Variants in KCNN2 observed in about 807,000 individuals in gnomAD.
KCNN2 encodes the protein potassium calcium-activated channel subfamily N member 2.
A neutral mutation model predicts 55.5 loss-of-function variants in KCNN2; 24 were observed. That is an observed-to-expected ratio of 0.43 (90% CI 0.31 to 0.61). The LOEUF is 0.61. Among genes scored for constraint, KCNN2 ranks in the 20% least tolerant of loss-of-function variants. KCNN2 has a pLI of 0.08. For missense variants in KCNN2, 754 were observed against 853.6 expected (o/e 0.88, Z 1.45); for synonymous variants, 431 against 336.1 (o/e 1.28, Z -3.09).
intron 1 of KCNN2, among the ~76,000 whole-genome samples, chr5:114,162,338 C>A (rs1408335520): frequency 6.6e-6 from 1 of 152,136 alleles, no homozygotes; most frequent in African/African-American, 2.4e-5. Context: ...ACCGCAAATG[C>A]TGCTGCCAGA....
In KCNN2 at chr5:114,191,691, A is replaced by G. The variant is rs371726831; in HGVS notation, c.-270-29789A>G. On this transcript the variant is annotated intron_variant, in intron 1 of 10. Coordinates refer to the KCNN2 transcript ENST00000512097. ...GTAAACCACACTGGACATGCTGCTA[A>G]CTAAGAATGGTAAGGGATTAGGCAT... Among the ~76,000 whole-genome samples, 13 of 152,310 alleles carry G rather than the reference A, an allele frequency of 8.5e-5. No individual in the cohort carries two copies. In the East Asian group the frequency reaches 1.5e-3, roughly 18 times the overall value.
chr5:114,330,091 A>C (rs1241406662), intron 2 of KCNN2, among the ~76,000 whole-genome samples: 2 of 152,220 alleles, frequency 1.3e-5, no homozygotes, highest in Non-Finnish European at 2.9e-5. Context: ...GAAATAGCCC[A>C]ATCAGCTGCT....
intron 2 of KCNN2, among the ~76,000 whole-genome samples, chr5:114,386,881 C>T (rs1043593617): frequency 5.3e-5 from 8 of 152,166 alleles, no homozygotes; most frequent in East Asian, 3.9e-4. Context: ...TGATGGAGAA[C>T]GCTCCTTAAG....
At chr5:114,058,684 A>G (rs1176307126) in intron 1 of KCNN2, among the ~76,000 whole-genome samples, 1 of 152,206 alleles carries the variant, frequency 6.6e-6, no homozygotes, top group African/African-American at 2.4e-5. Context: ...AGAGTGACGC[A>G]GTGGGTCAGC....
intron 4 of KCNN2, among the ~76,000 whole-genome samples, chr5:114,467,626 G>A (rs1761519454): frequency 6.6e-6 from 1 of 152,008 alleles, no homozygotes; most frequent in Admixed American, 6.6e-5. Flanking sequence ...CAGTCATAAG[G>A]CTAAATTCCC....
At chr5:114,303,887 A>T (rs539051285) in intron 2 of KCNN2, among the ~76,000 whole-genome samples, 2 of 152,308 alleles carry the variant, frequency 1.3e-5, no homozygotes, top group Non-Finnish European at 2.9e-5. Context: ...TATATTTCTG[A>T]CATATAGAAT....
At position 114,105,126 on chromosome 5, in the gene KCNN2, C is replaced by G. The variant is rs183692278; in HGVS notation, c.-271+48626C>G. Among the ~76,000 whole-genome samples, 3 of 152,126 alleles carry G rather than the reference C, an allele frequency of 2.0e-5. No individual in the cohort carries two copies. The East Asian group carries it at 5.8e-4, about 30-fold the overall frequency. On this transcript the variant is annotated intron_variant, in intron 1 of 10. Coordinates refer to the KCNN2 transcript ENST00000512097. ...ATTACAGCGTATTCTCTGATAAATC[C>G]TTACCCTAGACTGGAGCTTGGCAGT... is the stretch of plus-strand genomic sequence containing the variant.
At chr5:114,199,256 G>T in intron 1 of KCNN2, among the ~76,000 whole-genome samples, 1 of 151,998 alleles carries the variant, frequency 6.6e-6, no homozygotes, top group East Asian at 1.9e-4. Context: ...TCACTTTGGT[G>T]TTCCATTTGA....
rs185930609 is a variant in KCNN2, at chr5:114,326,516, C to G, written c.-184-34429C>G. ...ATAGGGAGTGCCATGGCCAGTTCTG[C>G]CTGTGGGTCCATGTTCAAAGGTGAG... On this transcript the variant is annotated intron_variant, in intron 2 of 10. Coordinates refer to the KCNN2 transcript ENST00000512097. Among the ~76,000 whole-genome samples the G allele has an allele frequency of 1.3e-3, 198 of 152,270 alleles. 2 individuals are homozygous for G. The highest frequency in any genetic ancestry group is 6.2e-3 in the Admixed American group (95 of 15,298).
chr5:114,350,435 T>A (rs554260268), intron 2 of KCNN2, among the ~76,000 whole-genome samples: 1 of 152,072 alleles, frequency 6.6e-6, no homozygotes, highest in South Asian at 2.1e-4. Flanking sequence ...CCTGATGGTA[T>A]CCTTTGAAGC....
At chr5:114,375,952 G>GTGTA (rs1249028214) in intron 2 of KCNN2, among the ~76,000 whole-genome samples, 4 of 104,714 alleles carry the variant, frequency 3.8e-5, no homozygotes, top group East Asian at 5.3e-4. Context: ...GACTCACAGT[G>GTGTA]TATATATATA....
intron 1 of KCNN2, among the ~76,000 whole-genome samples, chr5:114,159,727 C>G (rs1448029147): frequency 1.3e-5 from 2 of 152,034 alleles, no homozygotes; most frequent in African/African-American, 2.4e-5. Context: ...CTGGTTTAGT[C>G]TTGGGAGGGT....
chr5:114,077,740 A>G (rs1750711480), intron 1 of KCNN2, among the ~76,000 whole-genome samples: 1 of 152,228 alleles, frequency 6.6e-6, no homozygotes. Flanking sequence ...GCATTAGAGC[A>G]GTTACACTGA....
chr5:114,402,945 G>A (rs1221595835), intron 2 of KCNN2, among the ~76,000 whole-genome samples: 1 of 152,154 alleles, frequency 6.6e-6, no homozygotes, highest in African/African-American at 2.4e-5. Flanking sequence ...GAGCAGAGGA[G>A]TAGTGAAAAG....
At chr5:114,331,306 C>T (rs747083383) in intron 2 of KCNN2, among the ~76,000 whole-genome samples, 34 of 152,054 alleles carry the variant, frequency 2.2e-4, no homozygotes, top group Admixed American at 5.2e-4. Context: ...GTAGAAGATG[C>T]GGTGGCCACG....
chr5:114,404,410 A>T, intron 2 of KCNN2, 28 bp from the exon 3 acceptor site: 1 of 1,589,714 alleles, frequency 6.3e-7, no homozygotes, highest in Non-Finnish European at 8.6e-7. Flanking sequence ...TGCCATACTG[A>T]AGCTGATTTT....
chr5:114,091,180 C>T (rs1751136423), intron 1 of KCNN2, among the ~76,000 whole-genome samples: 1 of 152,068 alleles, frequency 6.6e-6, no homozygotes, highest in South Asian at 2.1e-4. Context: ...ATCACAGTCT[C>T]CTGCTATCCC....
At chr5:114,109,593 C>A (rs1405111651) in intron 1 of KCNN2, among the ~76,000 whole-genome samples, 1 of 151,912 alleles carries the variant, frequency 6.6e-6, no homozygotes. Context: ...ATGACACAAC[C>A]GAATATGACC....
At chr5:114,399,645 A>G (rs778501599) in intron 2 of KCNN2, among the ~76,000 whole-genome samples, 13 of 152,140 alleles carry the variant, frequency 8.5e-5, no homozygotes, top group South Asian at 2.1e-4. Flanking sequence ...CTTCTTCTCA[A>G]TCTTTTGGAA....
Sources: allele counts gnomAD v4.1 joint callset (sites outside exome capture counted in the v4.1 genomes callset), GRCh38; gene constraint gnomAD v4.1.1; transcripts MANE v1.5; gene names NCBI Gene and HGNC (gene_info 2026-07-23, HGNC 2026-07-21).